The following MAP3K7 variants were observed in gnomAD, a reference collection of about 807,000 sequenced individuals.
The protein encoded by MAP3K7 is mitogen-activated protein kinase kinase kinase 7.
A neutral mutation model predicts 84.8 loss-of-function variants in MAP3K7; 21 were observed. The observed-to-expected ratio is 0.25, with a 90% CI of 0.18 to 0.36. MAP3K7 has a LOEUF of 0.36. Among genes scored for constraint, MAP3K7 ranks in the 10% least tolerant of loss-of-function variants. MAP3K7 has a pLI of 1.00. For synonymous variants in MAP3K7, 241 were observed against 247.7 expected (o/e 0.97, Z 0.25); for missense variants, 503 against 747.7 (o/e 0.67, Z 3.82).
At chr6:90,551,046 C>T (rs570437565) in intron 8 of MAP3K7, 12 of 152,780 alleles carry the variant, frequency 7.9e-5, no homozygotes, top group African/African-American at 1.9e-4. Flanking sequence ...ACGTATTCTC[C>T]TCAAATTAGA....
intron 6 of MAP3K7, among the ~76,000 whole-genome samples, chr6:90,555,155 CTT>C (rs911289518): frequency 1.3e-5 from 2 of 152,132 alleles, no homozygotes; most frequent in Non-Finnish European, 2.9e-5. Context: ...ACAGACAACT[CTT>C]TTAAAACTTC....
At chr6:90,532,450 A>G (rs1277744909) in intron 13 of MAP3K7, among the ~76,000 whole-genome samples, 1 of 152,162 alleles carries the variant, frequency 6.6e-6, no homozygotes, top group African/African-American at 2.4e-5. Context: ...CTATTTGCAG[A>G]TAAGGGTGCA....
At chr6:90,547,056 T>G (rs1776023846) in intron 11 of MAP3K7, among the ~76,000 whole-genome samples, 1 of 152,094 alleles carries the variant, frequency 6.6e-6, no homozygotes, top group Admixed American at 6.6e-5. Flanking sequence ...TCCAAATAAT[T>G]TTACAAGTCA....
chr6:90,526,699 C>T (rs567407140), intron 13 of MAP3K7, among the ~76,000 whole-genome samples: 5 of 151,656 alleles, frequency 3.3e-5, no homozygotes, highest in African/African-American at 4.8e-5. Flanking sequence ...ATTTTGAAAT[C>T]GGAGACAATA....
chr6:90,571,960 C>G (rs1006491859), intron 1 of MAP3K7, among the ~76,000 whole-genome samples, 153 bp from the exon 2 acceptor site: 2 of 150,158 alleles, frequency 1.3e-5, no homozygotes, highest in Non-Finnish European at 3.0e-5. Context: ...GGATTTGCCA[C>G]TGAACAAGTA....
chr6:90,568,252 T>C (rs1776779369), intron 3 of MAP3K7, among the ~76,000 whole-genome samples: 1 of 151,790 alleles, frequency 6.6e-6, no homozygotes, highest in Non-Finnish European at 1.5e-5. Context: ...ACTCAATAAA[T>C]ACATAAAGAG....
At position 90,570,111 on chromosome 6, in the gene MAP3K7, C is replaced by A. The variant is rs192862077; in HGVS notation, c.232-1488G>T. Among the ~76,000 whole-genome samples the A allele has an allele frequency of 1.2e-3, 185 of 152,226 alleles. 4 individuals are homozygous for A. The highest frequency in any genetic ancestry group is 9.4e-3 in the Admixed American group (143 of 15,294). On this transcript the variant is annotated intron_variant, in intron 2 of 16. Transcript: ENST00000369329. The stretch of plus-strand genomic sequence containing the variant: ...ACTGAGATTCAGATAGCAGATTATA[C>A]AAGCATTTTTTCCTCCTCTCTCCCT...
chr6:90,562,738 C>A (rs577922819), intron 3 of MAP3K7, among the ~76,000 whole-genome samples: 2 of 152,320 alleles, frequency 1.3e-5, no homozygotes, highest in Non-Finnish European at 2.9e-5. Flanking sequence ...ATTCTCCCAG[C>A]ATGGAGTTTG....
chr6:90,529,687 C>T (rs781243595), intron 13 of MAP3K7, among the ~76,000 whole-genome samples: 13 of 152,112 alleles, frequency 8.5e-5, no homozygotes, highest in African/African-American at 1.9e-4. Context: ...TGTCTTCACA[C>T]GAGATTTTTT....
rs1222359284 is a variant in MAP3K7 at position 90,516,420 on chromosome 6, T to C, written c.*81A>G. On this transcript the variant is annotated 3_prime_UTR_variant, in exon 17 of 17. Transcript: ENST00000369329. The stretch of plus-strand genomic sequence containing the variant: ...GAACACGCCAAAAAGCTAACACTCA[T>C]GAATCGTCATTATAAGGTTTTCCTT... The C allele has an allele frequency of 1.0e-5, 15 of 1,436,578 alleles. No homozygotes were observed. Among genetic ancestry groups the C allele is most frequent in the Middle Eastern group, 1.9e-4 (1 of 5,150 alleles). The allele number at this position is 1,436,578 out of a possible 1,614,324, so 89.0% of individuals were successfully genotyped here.
intron 1 of MAP3K7, among the ~76,000 whole-genome samples, chr6:90,584,174 T>C (rs915868331): frequency 2.6e-5 from 4 of 152,184 alleles, no homozygotes; most frequent in African/African-American, 9.6e-5. Flanking sequence ...CAACATAAAA[T>C]AGTTTTTGTT....
At chr6:90,581,288 C>T (rs1409363814) in intron 1 of MAP3K7, among the ~76,000 whole-genome samples, 1 of 152,078 alleles carries the variant, frequency 6.6e-6, no homozygotes, top group Non-Finnish European at 1.5e-5. Context: ...ATTTTTAGTT[C>T]AGTGACTACA....
At position 90,545,946 on chromosome 6, in the gene MAP3K7, T is replaced by C. The variant is rs573224634; in HGVS notation, c.1210+1312A>G. Reference sequence around the variant, plus strand: ...CCTGCCCCCATGTCTTCCTTCCTATTGCCTGGAATGTAGAAGTGATGAAAT... The same window carrying C: ...CCTGCCCCCATGTCTTCCTTCCTATCGCCTGGAATGTAGAAGTGATGAAAT... On this transcript the variant is annotated intron_variant, in intron 11 of 16. Coordinates refer to ENST00000369329, the MANE Select transcript of MAP3K7 (RefSeq NM_145331.3). 3.9e-5 allele frequency among the ~76,000 whole-genome samples: 6 copies of C among 152,214 alleles called. No individual in the cohort carries two copies. In the East Asian group the frequency reaches 9.7e-4, roughly 25 times the overall value.
At chr6:90,519,086 T>C (rs2127954692) in intron 15 of MAP3K7, among the ~76,000 whole-genome samples, 172 bp downstream of exon 15, 1 of 152,014 alleles carries the variant, frequency 6.6e-6, no homozygotes, top group South Asian at 2.1e-4. Flanking sequence ...AATTTAAAGT[T>C]TGATTAACTT....
At chr6:90,549,509 T>C (rs1776112762) in intron 9 of MAP3K7, among the ~76,000 whole-genome samples, 1 of 152,072 alleles carries the variant, frequency 6.6e-6, no homozygotes, top group South Asian at 2.1e-4. Context: ...CCAAGCAAGC[T>C]TGAGAGAGAG....
chr6:90,581,410 C>T (rs1777267523), intron 1 of MAP3K7, among the ~76,000 whole-genome samples: 1 of 152,160 alleles, frequency 6.6e-6, no homozygotes, highest in African/African-American at 2.4e-5. Context: ...ATAGATCATA[C>T]ATTTATTAGT....
At chr6:90,570,127 C>G (rs1245011522) in intron 2 of MAP3K7, among the ~76,000 whole-genome samples, 1 of 152,032 alleles carries the variant, frequency 6.6e-6, no homozygotes, top group Non-Finnish European at 1.5e-5. Context: ...TTTTTTCCTC[C>G]TCTCTCCCTA....
chr6:90,523,865 G>T (rs1775235617), intron 13 of MAP3K7, 82 bp from the exon 14 acceptor site: 3 of 800,224 alleles, frequency 3.7e-6, no homozygotes, highest in South Asian at 1.5e-5. Flanking sequence ...TAAAAGGCAA[G>T]AAGAGACTTA....
intron 1 of MAP3K7, among the ~76,000 whole-genome samples, chr6:90,573,901 G>A (rs1253868387): frequency 2.6e-5 from 4 of 152,238 alleles, no homozygotes; most frequent in Non-Finnish European, 4.4e-5. Context: ...TCAGTGTTCT[G>A]TGGTTTAGGT....
Sources: gnomAD v4.1 joint callset for allele counts (sites outside exome capture counted in the v4.1 genomes callset) on GRCh38, gnomAD v4.1.1 for gene constraint, MANE v1.5 for transcripts, NCBI Gene and HGNC (gene_info 2026-07-23, HGNC 2026-07-21) for gene names.